Variants in SGCZ observed in about 807,000 individuals in gnomAD.
SGCZ encodes zeta-sarcoglycan.
A neutral mutation model predicts 41.3 loss-of-function variants in SGCZ; 40 were observed. The ratio of observed to expected loss-of-function variants is 0.97; its 90% CI spans 0.75 to 1.26. The LOEUF (loss-of-function observed/expected upper bound fraction) is 1.26, where lower values mean the gene tolerates loss of function less well. Among genes scored for constraint, SGCZ ranks in the 50% most tolerant of loss-of-function variants. The pLI, the probability that SGCZ is intolerant of heterozygous loss-of-function variation, is 0.00. For missense variants in SGCZ, 552 were observed against 369.8 expected, an observed-to-expected ratio of 1.49 and a Z score of -4.04; for synonymous variants, 206 against 137.5, an observed-to-expected ratio of 1.50 and a Z score of -3.49.
intron 2 of SGCZ, among the ~76,000 whole-genome samples, chr8:14,338,283 G>C (rs915469643): frequency 6.6e-6 from 1 of 152,276 alleles, no homozygotes; most frequent in African/African-American, 2.4e-5. Context: ...TTCAATGAAG[G>C]ATTTGCCCCA....
chr8:14,468,592 C>T (rs551285568), intron 2 of SGCZ, among the ~76,000 whole-genome samples: 4 of 152,134 alleles, frequency 2.6e-5, no homozygotes, highest in East Asian at 3.9e-4. Flanking sequence ...ATTGACTTAA[C>T]GTATTTAAAT....
At chr8:14,201,424 G>A (rs758493418) in intron 4 of SGCZ, among the ~76,000 whole-genome samples, 4 of 152,120 alleles carry the variant, frequency 2.6e-5, no homozygotes, top group Admixed American at 6.5e-5. Context: ...GTACATCCAT[G>A]CAACAGAATA....
intron 2 of SGCZ, among the ~76,000 whole-genome samples, chr8:14,331,896 A>G (rs1802340058): frequency 6.6e-6 from 1 of 151,868 alleles, no homozygotes; most frequent in Non-Finnish European, 1.5e-5. Context: ...TTCTCTACTG[A>G]TAATACAGGA....
intron 3 of SGCZ, among the ~76,000 whole-genome samples, chr8:14,307,540 AG>A (rs1431465004): frequency 6.6e-6 from 1 of 152,100 alleles, no homozygotes; most frequent in Admixed American, 6.6e-5. Flanking sequence ...CAGCAAAAAA[AG>A]AAAGGGTCTG....
intron 2 of SGCZ, among the ~76,000 whole-genome samples, chr8:14,372,031 T>C (rs570823010): frequency 4.8e-4 from 73 of 151,986 alleles, no homozygotes; most frequent in Non-Finnish European, 8.5e-4. Flanking sequence ...TCAAAGAAGA[T>C]ATAGATCAAT....
At chr8:14,258,830 G>C (rs1799554179) in intron 3 of SGCZ, among the ~76,000 whole-genome samples, 1 of 152,098 alleles carries the variant, frequency 6.6e-6, no homozygotes, top group African/African-American at 2.4e-5. Context: ...ATGAGAAATA[G>C]GTCAGTTTGT....
intron 1 of SGCZ, among the ~76,000 whole-genome samples, chr8:15,086,549 T>C (rs1488021873): frequency 6.6e-6 from 1 of 152,214 alleles, no homozygotes; most frequent in Non-Finnish European, 1.5e-5. Flanking sequence ...TTTGAAGTGA[T>C]AGATCAGCTA....
chr8:14,795,989 T>C (rs1264224427), intron 1 of SGCZ, among the ~76,000 whole-genome samples: 2 of 152,198 alleles, frequency 1.3e-5, no homozygotes, highest in Admixed American at 1.3e-4. Flanking sequence ...TCCTTGTCCC[T>C]GCAAAGGACA....
At chr8:15,061,096 A>T (rs1245094264) in intron 1 of SGCZ, among the ~76,000 whole-genome samples, 1 of 152,190 alleles carries the variant, frequency 6.6e-6, no homozygotes, top group Admixed American at 6.5e-5. Context: ...AAAATGAGAA[A>T]TGTTATCAAA....
At chr8:14,636,899 T>A (rs1176880458) in intron 1 of SGCZ, among the ~76,000 whole-genome samples, 1 of 151,924 alleles carries the variant, frequency 6.6e-6, no homozygotes, top group East Asian at 1.9e-4. Flanking sequence ...GTTTTATTAC[T>A]AAATCTATCA....
chr8:14,685,339 T>A (rs1808578069), intron 1 of SGCZ, among the ~76,000 whole-genome samples: 1 of 152,146 alleles, frequency 6.6e-6, no homozygotes, highest in Non-Finnish European at 1.5e-5. Context: ...TCATTACTAT[T>A]AGAATTAGAC....
intron 4 of SGCZ, among the ~76,000 whole-genome samples, chr8:14,228,657 G>A (rs79523145): frequency 0.046 from 7,024 of 151,788 alleles, 204 homozygotes; most frequent in Middle Eastern, 0.088. Context: ...AGATGGGGGC[G>A]GCCTAAGTAG....
At chr8:14,564,465 T>G (rs1804298452) in intron 1 of SGCZ, among the ~76,000 whole-genome samples, 2 of 152,216 alleles carry the variant, frequency 1.3e-5, no homozygotes, top group African/African-American at 4.8e-5. Context: ...GGAAAGTCAC[T>G]TAGCCTCTCT....
At chr8:14,525,823 G>A (rs17119628) in intron 2 of SGCZ, among the ~76,000 whole-genome samples, 5,847 of 152,124 alleles carry the variant, frequency 0.038, 288 homozygotes, top group African/African-American at 0.09. Context: ...GGATGTAAAT[G>A]AACACAGTGC....
chr8:14,719,595 T>C (rs1239466522), intron 1 of SGCZ, among the ~76,000 whole-genome samples: 2 of 152,110 alleles, frequency 1.3e-5, no homozygotes, highest in Non-Finnish European at 2.9e-5. Flanking sequence ...TGCATTTCCC[T>C]GATGGCCAGA....
intron 5 of SGCZ, among the ~76,000 whole-genome samples, chr8:14,159,018 C>T (rs1324560734): frequency 2.0e-5 from 3 of 152,176 alleles, no homozygotes; most frequent in African/African-American, 7.2e-5. Context: ...ATCTGCCCTC[C>T]TTGGCCTCCC....
At chr8:14,431,767 C>T (rs1207664347) in intron 2 of SGCZ, among the ~76,000 whole-genome samples, 3 of 152,086 alleles carry the variant, frequency 2.0e-5, no homozygotes, top group Admixed American at 6.6e-5. Context: ...GGGAGAAAAT[C>T]TTCACAATCT....
intron 2 of SGCZ, among the ~76,000 whole-genome samples, chr8:14,459,573 T>G (rs535654882): frequency 6.6e-6 from 1 of 152,284 alleles, no homozygotes; most frequent in Admixed American, 6.5e-5. Flanking sequence ...AGCAAGATAT[T>G]TGAGTAGTCT....
intron 1 of SGCZ, among the ~76,000 whole-genome samples, chr8:14,760,209 A>G (rs1385611305): frequency 6.6e-6 from 1 of 152,194 alleles, no homozygotes; most frequent in Non-Finnish European, 1.5e-5. Context: ...AGTTTTACCA[A>G]ATAGCCAAAG....
Sources: allele counts gnomAD v4.1 joint callset (sites outside exome capture counted in the v4.1 genomes callset), GRCh38; gene constraint gnomAD v4.1.1; transcripts MANE v1.5; gene names NCBI Gene and HGNC (gene_info 2026-07-23, HGNC 2026-07-21).